The following NUMB variants were observed in gnomAD, a reference collection of about 807,000 sequenced individuals.
NUMB encodes protein numb homolog.
Under a neutral mutation model 59.7 loss-of-function variants are expected in NUMB, and 29 were observed. The ratio of observed to expected loss-of-function variants is 0.49; its 90% confidence interval spans 0.36 to 0.66. The LOEUF is 0.66. NUMB is among the 30% of genes least tolerant of loss of function. The pLI, the probability that NUMB is intolerant of heterozygous loss-of-function variation, is 0.00. For missense variants in NUMB, 723 were observed against 822.0 expected (o/e 0.88, Z 1.47); for synonymous variants, 288 against 288.2 (o/e 1.00, Z 0.01).
At chr14:73,448,808 T>C (rs1368953761) in intron 1 of NUMB, among the ~76,000 whole-genome samples, 1 of 152,116 alleles carries the variant, frequency 6.6e-6, no homozygotes, top group Non-Finnish European at 1.5e-5. Flanking sequence ...AAAACTCACA[T>C]GTATTTGGAA....
intron 1 of NUMB, among the ~76,000 whole-genome samples, chr14:73,422,420 C>A (rs1333529598): frequency 6.6e-6 from 1 of 152,116 alleles, no homozygotes; most frequent in Non-Finnish European, 1.5e-5. Context: ...CCCTTGTTTT[C>A]ATGACACCAT....
At chr14:73,396,451 G>T (rs1896143202) in intron 2 of NUMB, among the ~76,000 whole-genome samples, 2 of 151,872 alleles carry the variant, frequency 1.3e-5, no homozygotes, top group African/African-American at 2.4e-5. Flanking sequence ...GGGCTCAAGG[G>T]ATCTTCCCAC....
intron 3 of NUMB, among the ~76,000 whole-genome samples, chr14:73,363,547 G>GT (rs1894189532): frequency 6.6e-6 from 1 of 152,110 alleles, no homozygotes; most frequent in African/African-American, 2.4e-5. Flanking sequence ...GAAAAAAATA[G>GT]TTTCTAACTC....
chr14:73,287,193 C>T lies in NUMB; in HGVS notation c.572G>A (p.Arg191Lys). ...TFDASRTTFT[R>K]EGSFRVTTAT... ...TGTTGTGACACGGAATGATCCTTCT[C>T]TTGTAAAAGTGGTCCGACTAGCATC... Residue 191 changes from arginine (R) to lysine (K), a missense_variant, in exon 9 of 13, where the codon AGA becomes AAA. Around this residue, in one of 2 missense-constraint regions of NUMB, gnomAD observed 317 missense variants for 436.6 expected, o/e 0.73. Coordinates refer to ENST00000555238, the MANE Select transcript of NUMB (RefSeq NM_001005743.2). 1.2e-6 allele frequency: 2 copies of T among 1,613,888 alleles called. No individual in the cohort carries two copies. Among genetic ancestry groups the T allele is most frequent in the Non-Finnish European group, 1.7e-6 (2 of 1,179,982 alleles).
At chr14:73,370,839 A>T (rs1968984733) in intron 2 of NUMB, among the ~76,000 whole-genome samples, 1 of 152,224 alleles carries the variant, frequency 6.6e-6, no homozygotes, top group Non-Finnish European at 1.5e-5. Flanking sequence ...GTCAAATTGG[A>T]TTACAACTAA....
chr14:73,411,015 GA>G (rs773539023), intron 1 of NUMB, among the ~76,000 whole-genome samples: 143 of 152,244 alleles, frequency 9.4e-4, no homozygotes, highest in Non-Finnish European at 1.6e-3. Context: ...TATATGGGAG[GA>G]AGAATGATAG....
At chr14:73,369,914 C>G (rs1010539858) in intron 2 of NUMB, among the ~76,000 whole-genome samples, 1 of 152,172 alleles carries the variant, frequency 6.6e-6, no homozygotes, top group African/African-American at 2.4e-5. Flanking sequence ...ATACCACTAT[C>G]TTAATTAACT....
At chr14:73,405,934 T>C (rs1225385165) in intron 2 of NUMB, among the ~76,000 whole-genome samples, 2 of 152,068 alleles carry the variant, frequency 1.3e-5, no homozygotes, top group African/African-American at 4.8e-5. Context: ...TGAGTAGACC[T>C]ACACCCAGAT....
chr14:73,318,917 A>G (rs1430776092), intron 5 of NUMB, among the ~76,000 whole-genome samples: 2 of 152,236 alleles, frequency 1.3e-5, no homozygotes, highest in African/African-American at 2.4e-5. Flanking sequence ...CTAAATTGTA[A>G]GAGAGTATTT....
chr14:73,331,558 A>T (rs8016818), intron 4 of NUMB, among the ~76,000 whole-genome samples: 13,471 of 151,888 alleles, frequency 0.089, 1,198 homozygotes, highest in African/African-American at 0.21. Flanking sequence ...AAAAAAAAAA[A>T]TTTTTTTTCT....
intron 2 of NUMB, among the ~76,000 whole-genome samples, chr14:73,408,212 G>A (rs1217888628): frequency 7.0e-6 from 1 of 142,166 alleles, no homozygotes; most frequent in African/African-American, 2.7e-5. Flanking sequence ...GGGCGACAGA[G>A]CAAGACTCCG....
chr14:73,390,087 T>C (rs1895766351), intron 2 of NUMB, among the ~76,000 whole-genome samples: 1 of 152,172 alleles, frequency 6.6e-6, no homozygotes, highest in South Asian at 2.1e-4. Context: ...TGATCCAACA[T>C]TCTATTTCTA....
intron 1 of NUMB, among the ~76,000 whole-genome samples, chr14:73,413,993 C>T (rs193300208): frequency 1.3e-4 from 19 of 148,302 alleles, no homozygotes; most frequent in African/African-American, 4.7e-4. Context: ...CTCACTCTGT[C>T]ACCCAGGCTG....
chr14:73,408,252 GT>G (rs11293086), intron 2 of NUMB, among the ~76,000 whole-genome samples: 121,540 of 151,492 alleles, frequency 0.8, 49,335 homozygotes, highest in African/African-American at 0.93. Flanking sequence ...AAGAAAAAAC[GT>G]TAAGATATTT....
chr14:73,409,576 T>C (rs2140131993), intron 2 of NUMB: 1 of 152,350 alleles, frequency 6.6e-6, no homozygotes, highest in South Asian at 2.1e-4. Context: ...AATCAAGCCT[T>C]GCTCAAACTG....
chr14:73,444,192 G>A (rs1883294523), intron 1 of NUMB, among the ~76,000 whole-genome samples: 1 of 152,192 alleles, frequency 6.6e-6, no homozygotes, highest in African/African-American at 2.4e-5. Flanking sequence ...GACATCAGGA[G>A]ATCGAGACCA....
intron 4 of NUMB, among the ~76,000 whole-genome samples, chr14:73,339,906 T>C (rs760686364): frequency 6.6e-6 from 1 of 151,734 alleles, no homozygotes; most frequent in Non-Finnish European, 1.5e-5. Context: ...CAGGAATGTC[T>C]AGATGGAGGC....
intron 4 of NUMB, among the ~76,000 whole-genome samples, chr14:73,325,302 T>C (rs1891604933): frequency 6.6e-6 from 1 of 151,968 alleles, no homozygotes; most frequent in African/African-American, 2.4e-5. Flanking sequence ...ACCCTGTCTC[T>C]ACAAAAATAA....
At chr14:73,452,432 A>T (rs139442439) in intron 1 of NUMB, among the ~76,000 whole-genome samples, 40 of 152,230 alleles carry the variant, frequency 2.6e-4, no homozygotes, top group African/African-American at 9.4e-4. Context: ...AGGCAGAAGG[A>T]TCACCTGAGC....
Sources: allele counts gnomAD v4.1 joint callset (sites outside exome capture counted in the v4.1 genomes callset), GRCh38; gene constraint gnomAD v4.1.1; regional missense constraint gnomAD v4.1.1; transcripts MANE v1.5; gene names NCBI Gene and HGNC (gene_info 2026-07-23, HGNC 2026-07-21).